Variants in SEH1L observed in about 807,000 individuals in gnomAD.
The protein encoded by SEH1L is nucleoporin SEH1.
SEH1L carries 18 observed loss-of-function variants against 49.5 expected under a neutral mutation model. That is an observed-to-expected ratio of 0.36 (90% CI 0.25 to 0.54). The LOEUF (loss-of-function observed/expected upper bound fraction) is 0.54, where lower values mean the gene tolerates loss of function less well. Among genes scored for constraint, SEH1L ranks in the 20% least tolerant of loss-of-function variants. The probability of loss-of-function intolerance (pLI) is 0.87; values close to 1 mark genes in which losing one functional copy is unlikely to be tolerated. For missense variants in SEH1L, 404 were observed against 528.8 expected, an observed-to-expected ratio of 0.76 and a Z score of 2.31; for synonymous variants, 169 against 178.1, an observed-to-expected ratio of 0.95 and a Z score of 0.41.
chr18:12,974,253 A>G (rs575439677), intron 5 of SEH1L: 1 of 152,106 alleles, frequency 6.6e-6, no homozygotes, highest in Non-Finnish European at 1.5e-5. Flanking sequence ...ACTATGTAGT[A>G]TCGTTATTAA....
At position 12,982,524 on chromosome 18, in the gene SEH1L, A is replaced by G; in HGVS notation, c.768A>G (p.Glu256=). Residue 256 remains glutamate, a synonymous_variant, in exon 7 of 9, where the codon GAA becomes GAG. Coordinates refer to ENST00000399892, the MANE Select transcript of SEH1L (RefSeq NM_001013437.2). ...AAATGTTTTTTATTAACAGGAAAGA[A>G]CTGACTTCCTCTGGTGGGCCAACAA... ...RIFTLKPVRK[E]LTSSGGPTKF... 6.2e-7 allele frequency: 1 copy of G among 1,609,144 alleles called. No individual in the cohort carries two copies. Among genetic ancestry groups the G allele is most frequent in the Non-Finnish European group, 8.5e-7 (1 of 1,178,580 alleles).
intron 8 of SEH1L, chr18:12,986,274 A>C: frequency 1.0e-5 from 10 of 985,306 alleles, no homozygotes; most frequent in Non-Finnish European, 1.2e-5. Flanking sequence ...GAAGAATAAC[A>C]GTAGGGCACA....
Position 12,963,187 on chromosome 18 carries a change from A to C in SEH1L, c.337A>C (p.Arg113=), listed in dbSNP as rs780711888. 94 of 1,613,122 alleles carry C rather than the reference A, an allele frequency of 5.8e-5. 2 individuals are homozygous for C. The South Asian group carries it at 1.0e-3, about 18-fold the overall frequency. Residue 113 remains arginine, a synonymous_variant, in exon 4 of 9, where the codon AGA becomes CGA. Coordinates refer to ENST00000399892, the MANE Select transcript of SEH1L (RefSeq NM_001013437.2). The stretch of plus-strand genomic sequence containing the variant: ...TAAAAGGACAACTCTGGTGGATAGC[A>C]GAACATCTGTTACTGATGTGAAGTT... ...WVKRTTLVDS[R]TSVTDVKFAP... is the part of the protein sequence containing the mutation.
chr18:12,952,398 A>G (rs1387732827), intron 2 of SEH1L, among the ~76,000 whole-genome samples: 1 of 151,940 alleles, frequency 6.6e-6, no homozygotes, highest in Non-Finnish European at 1.5e-5. Context: ...ATGCCCGGCT[A>G]ATTTTTGTGT....
chr18:12,963,479 A>G (rs2031290136), intron 4 of SEH1L, 108 bp downstream of exon 4: 3 of 825,880 alleles, frequency 3.6e-6, no homozygotes, highest in Admixed American at 2.2e-5. Flanking sequence ...TTCTCAAGAT[A>G]TATAGAGTAT....
rs1329763006 is a variant in SEH1L at position 12,980,477 on chromosome 18, CCA to C, written c.761+1586_761+1587del. Among the ~76,000 whole-genome samples the C allele has an allele frequency of 2.4e-3, 150 of 62,850 alleles. 41 individuals are homozygous for C. Among genetic ancestry groups the C allele is most frequent in the Middle Eastern group, 0.018 (1 of 56 alleles). 41.2% of individuals were successfully genotyped at this position (62,850 alleles called of 152,430 possible). On this transcript the variant is annotated intron_variant, in intron 6 of 8. Transcript: ENST00000399892. ...GCTGGCCGGGCGGGGGGCTGATCCC[CCA>C]ACCTCCCTCCCGGACGGGGCGGCTG...
chr18:12,971,087 G>C, intron 4 of SEH1L, 66 bp from the exon 5 acceptor site: 2 of 1,135,386 alleles, frequency 1.8e-6, no homozygotes, highest in Non-Finnish European at 2.7e-6. Flanking sequence ...CCTCCAGTGT[G>C]TTCATTCTGT....
At chr18:12,961,923 C>T (rs2145623252) in intron 3 of SEH1L, among the ~76,000 whole-genome samples, 1 of 152,260 alleles carries the variant, frequency 6.6e-6, no homozygotes, top group South Asian at 2.1e-4. Context: ...GCCTCAGTCT[C>T]CCAAAGTGCT....
chr18:12,979,818 C>T (rs565454870), intron 6 of SEH1L, among the ~76,000 whole-genome samples: 2 of 143,090 alleles, frequency 1.4e-5, no homozygotes, highest in Admixed American at 1.4e-4. Flanking sequence ...CCAGTAGGGG[C>T]GGCCGGGCAG....
chr18:12,965,604 C>G (rs2031415332), intron 4 of SEH1L, among the ~76,000 whole-genome samples: 1 of 152,192 alleles, frequency 6.6e-6, no homozygotes, highest in African/African-American at 2.4e-5. Context: ...TCAAAAGATA[C>G]AGTTCTTGCA....
intron 2 of SEH1L, among the ~76,000 whole-genome samples, chr18:12,954,711 G>T (rs7506801): frequency 0.014 from 2,154 of 152,164 alleles, 60 homozygotes; most frequent in African/African-American, 0.05. Flanking sequence ...CAAGCAGTCT[G>T]CCCACCTCAG....
chr18:12,949,170 A>G (rs1431177149), intron 1 of SEH1L, among the ~76,000 whole-genome samples: 2 of 150,528 alleles, frequency 1.3e-5, no homozygotes, highest in Non-Finnish European at 3.0e-5. Context: ...CCCGGCCTAC[A>G]AGCAGAATTT....
intron 1 of SEH1L, among the ~76,000 whole-genome samples, chr18:12,950,982 T>G (rs535857495): frequency 5.3e-5 from 8 of 152,262 alleles, no homozygotes; most frequent in Middle Eastern, 3.4e-3. Context: ...CCACCATGCC[T>G]GGTTTCAATA....
At chr18:12,980,075 C>T (rs1463203838) in intron 6 of SEH1L, among the ~76,000 whole-genome samples, 6 of 62,438 alleles carry the variant, frequency 9.6e-5, no homozygotes, top group African/African-American at 3.1e-4. Context: ...GCTGGCCGGG[C>T]GGGGGGCTGA....
At chr18:12,986,660 T>C in intron 8 of SEH1L, 1 of 1,212,572 alleles carries the variant, frequency 8.2e-7, no homozygotes, top group East Asian at 3.4e-5. Flanking sequence ...TTAAGCAATC[T>C]TGATTTGAGT....
chr18:12,985,302 C>T, intron 8 of SEH1L: 1 of 1,596,864 alleles, frequency 6.3e-7, no homozygotes, highest in Non-Finnish European at 8.5e-7. Context: ...GTTGCATGCA[C>T]ACAGGAATGG....
intron 3 of SEH1L, among the ~76,000 whole-genome samples, chr18:12,962,220 A>G (rs1283740880): frequency 6.7e-6 from 1 of 150,296 alleles, no homozygotes; most frequent in Admixed American, 6.6e-5. Context: ...ACATAGTGAG[A>G]CCCCCCCATC....
chr18:12,979,647 G>A (rs1484223662), intron 6 of SEH1L, among the ~76,000 whole-genome samples: 3 of 151,138 alleles, frequency 2.0e-5, no homozygotes, highest in Non-Finnish European at 4.4e-5. Context: ...AGGGGCGGCC[G>A]GGCAGAGGCG....
At chr18:12,965,678 C>G (rs1276655169) in intron 4 of SEH1L, among the ~76,000 whole-genome samples, 1 of 152,124 alleles carries the variant, frequency 6.6e-6, no homozygotes, top group East Asian at 1.9e-4. Context: ...TTGTAGGTAG[C>G]TTTTTCTTTT....
Sources: allele counts gnomAD v4.1 joint callset (sites outside exome capture counted in the v4.1 genomes callset), GRCh38; gene constraint gnomAD v4.1.1; transcripts MANE v1.5; gene names NCBI Gene and HGNC (gene_info 2026-07-23, HGNC 2026-07-21).